RAD51B: variants seen among roughly 807,000 people sequenced by gnomAD.
RAD51B encodes the protein DNA repair protein RAD51 homolog 2.
RAD51B carries 38 observed loss-of-function variants against 42.2 expected under a neutral mutation model. That is an observed-to-expected ratio of 0.90 (90% confidence interval 0.70 to 1.18). RAD51B has a LOEUF of 1.18. Ranked by LOEUF, RAD51B falls within the 50% of genes most tolerant of loss-of-function variation. The pLI is 0.00. For synonymous variants in RAD51B, 154 were observed against 145.2 expected, an observed-to-expected ratio of 1.06 and a Z score of -0.43; for missense variants, 373 against 400.7, an observed-to-expected ratio of 0.93 and a Z score of 0.59.
chr14:67,863,979 C>G (rs1245603674), intron 4 of RAD51B, among the ~76,000 whole-genome samples: 2 of 151,338 alleles, frequency 1.3e-5, no homozygotes, highest in African/African-American at 2.4e-5. Flanking sequence ...GAGAGAGAGA[C>G]AGACAGAGAC....
At chr14:67,885,749 C>A in intron 5 of RAD51B, 120 bp from the exon 6 acceptor site, 1 of 1,322,660 alleles carries the variant, frequency 7.6e-7, no homozygotes, top group Non-Finnish European at 1.0e-6. Context: ...AGCCATTTTG[C>A]TTATACCTGC....
chr14:68,018,178 T>C (rs2075807740), intron 7 of RAD51B, among the ~76,000 whole-genome samples: 1 of 152,188 alleles, frequency 6.6e-6, no homozygotes, highest in Non-Finnish European at 1.5e-5. Context: ...CTTGTCTCAC[T>C]TTGTGAAGGA....
chr14:68,039,172 G>C (rs1050463989), intron 7 of RAD51B, among the ~76,000 whole-genome samples: 1 of 152,142 alleles, frequency 6.6e-6, no homozygotes, highest in Admixed American at 6.6e-5. Context: ...GGCTCATGCT[G>C]TAATCCCAGC....
In RAD51B at chr14:68,206,031, G is replaced by A. The variant is rs993361166; in HGVS notation, c.757-85853G>A. 2.0e-5 allele frequency among the ~76,000 whole-genome samples: 3 copies of A among 152,256 alleles called. No individual in the cohort carries two copies. In the East Asian group the frequency reaches 5.8e-4, roughly 29 times the overall value. On this transcript the variant is annotated intron_variant, in intron 7 of 10. Coordinates refer to ENST00000471583, the MANE Select transcript of RAD51B (RefSeq NM_133510.4). The stretch of plus-strand genomic sequence containing the variant: ...AGGATCCAGCATAGGATTAGGTATT[G>A]CCTTTAGTTGTCATGTTCCTTTAGT...
At chr14:68,600,991 A>AAT (rs140584253), downstream of RAD51B, among the ~76,000 whole-genome samples, 1 of 132,588 alleles carries the variant, frequency 7.5e-6, no homozygotes, top group Non-Finnish European at 1.7e-5. Context: ...ACACAAACTG[A>AAT]GTGCATGCTT....
chr14:68,068,820 T>C (rs997629451), intron 7 of RAD51B, among the ~76,000 whole-genome samples: 1 of 152,188 alleles, frequency 6.6e-6, no homozygotes, highest in Non-Finnish European at 1.5e-5. Flanking sequence ...GGTTTTCTAG[T>C]GTACCTTGGA....
chr14:68,501,847 C>T (rs1018128662), intron 10 of RAD51B, among the ~76,000 whole-genome samples: 1 of 152,272 alleles, frequency 6.6e-6, no homozygotes, highest in Non-Finnish European at 1.5e-5. Context: ...TGACATCGGC[C>T]ACCACTGCTG....
chr14:68,433,902 T>C lies in RAD51B; in HGVS notation c.957+22375T>C, dbSNP rs370459654. Among the ~76,000 whole-genome samples the C allele has an allele frequency of 7.9e-5, 12 of 152,338 alleles. No individual in the cohort carries two copies. The East Asian group carries it at 2.1e-3, about 27-fold the overall frequency. On this transcript the variant is annotated intron_variant, in intron 9 of 10. Coordinates refer to ENST00000471583, the MANE Select transcript of RAD51B (RefSeq NM_133510.4). ...TTTATCTACTTTTGGTCTTTGATGA[T>C]GGTGATGTACAGATGGGGTTTTGGT...
chr14:68,630,966 G>A (rs1368848314), intron 10 of RAD51B, among the ~76,000 whole-genome samples: 1 of 152,092 alleles, frequency 6.6e-6, no homozygotes, highest in African/African-American at 2.4e-5. Context: ...AATAATAAGT[G>A]GAAATGGAAA....
intron 7 of RAD51B, among the ~76,000 whole-genome samples, chr14:67,934,764 T>C (rs553838940): frequency 8.5e-5 from 13 of 152,324 alleles, no homozygotes; most frequent in African/African-American, 2.9e-4. Context: ...GAGTGTATAT[T>C]ATTGAGGAAT....
Position 68,011,989 on chromosome 14 carries a change from C to G in RAD51B, c.756+124785C>G, listed in dbSNP as rs552380491. 2.0e-5 allele frequency among the ~76,000 whole-genome samples: 3 copies of G among 152,190 alleles called. No homozygotes were observed. The South Asian group carries it at 6.2e-4, about 32-fold the overall frequency. On this transcript the variant is annotated intron_variant, in intron 7 of 10. Coordinates refer to ENST00000471583, the MANE Select transcript of RAD51B (RefSeq NM_133510.4). ...CTGGGCTGTCATGAATCTCAATAAA[C>G]AAACACAGAGATATCTATGTGGATG... is the stretch of plus-strand genomic sequence containing the variant.
Position 68,468,454 on chromosome 14 carries a change from C to T in RAD51B, c.1036+204C>T, listed in dbSNP as rs536139498. 3.4e-4 allele frequency: 228 copies of T among 679,582 alleles called. 2 individuals carry two copies. The highest frequency in any genetic ancestry group is 3.1e-3 in the South Asian group (215 of 69,742). 42.1% of individuals were successfully genotyped at this position (679,582 alleles called of 1,614,324 possible). A position where few individuals can be genotyped will look rare whatever the true frequency, so the allele number is the denominator to read the frequency against. On this transcript the variant is annotated intron_variant, in intron 10 of 10. Coordinates refer to ENST00000471583, the MANE Select transcript of RAD51B (RefSeq NM_133510.4). ...TTGACAGAGAAGATTGAGGTAGGGC[C>T]GAAGGAGACCTACAGAATTTCCTAA...
intron 8 of RAD51B, among the ~76,000 whole-genome samples, chr14:68,326,736 A>G (rs2082259296): frequency 1.3e-5 from 2 of 152,224 alleles, no homozygotes. Context: ...TTTCAACCTA[A>G]AATATTACAT....
At chr14:68,537,688 G>A (rs1887719376) in intron 10 of RAD51B, among the ~76,000 whole-genome samples, 1 of 152,142 alleles carries the variant, frequency 6.6e-6, no homozygotes, top group Non-Finnish European at 1.5e-5. Context: ...CATATCTTGA[G>A]ATTAAAAAGA....
intron 7 of RAD51B, among the ~76,000 whole-genome samples, chr14:68,290,502 A>G (rs2081495108): frequency 6.6e-6 from 1 of 152,210 alleles, no homozygotes; most frequent in South Asian, 2.1e-4. Flanking sequence ...TTTGTGTGGC[A>G]TTCGACCACA....
intron 10 of RAD51B, among the ~76,000 whole-genome samples, chr14:68,644,631 G>GAGA (rs1224991829): frequency 1.3e-5 from 2 of 152,330 alleles, no homozygotes; most frequent in East Asian, 3.9e-4. Context: ...AGGAATATGT[G>GAGA]AGAAGAAGTG....
intron 8 of RAD51B, among the ~76,000 whole-genome samples, chr14:68,331,802 A>C (rs1177874913): frequency 4.6e-5 from 7 of 152,196 alleles, no homozygotes; most frequent in Non-Finnish European, 8.8e-5. Context: ...GATTCAAGTG[A>C]TAATTTCTAT....
chr14:68,062,887 AG>A (rs1416546751), intron 7 of RAD51B, among the ~76,000 whole-genome samples: 1 of 147,638 alleles, frequency 6.8e-6, no homozygotes, highest in Admixed American at 6.7e-5. Context: ...TTTTCTTTGT[AG>A]GGAGACTTTG....
At chr14:68,102,604 T>C (rs2077309863) in intron 7 of RAD51B, among the ~76,000 whole-genome samples, 1 of 152,148 alleles carries the variant, frequency 6.6e-6, no homozygotes, top group Non-Finnish European at 1.5e-5. Context: ...TCAACAAGTC[T>C]CTAGGAAGTT....
Sources: allele counts gnomAD v4.1 joint callset (sites outside exome capture counted in the v4.1 genomes callset), GRCh38; gene constraint gnomAD v4.1.1; transcripts MANE v1.5; gene names NCBI Gene and HGNC (gene_info 2026-07-23, HGNC 2026-07-21).